CDH6: variants seen among roughly 807,000 people sequenced by gnomAD.
The protein encoded by CDH6 is cadherin-6.
Under a neutral mutation model 78.0 loss-of-function variants are expected in CDH6, and 31 were observed. The ratio of observed to expected loss-of-function variants is 0.40; its 90% CI spans 0.30 to 0.54. CDH6 has a LOEUF of 0.54. Ranked by LOEUF, CDH6 falls within the 20% of genes least tolerant of loss-of-function variation. The probability of loss-of-function intolerance (pLI) is 0.56; values close to 1 mark genes in which losing one functional copy is unlikely to be tolerated. For missense variants in CDH6, 724 were observed against 975.9 expected, an observed-to-expected ratio of 0.74 and a Z score of 3.44; for synonymous variants, 376 against 368.8, an observed-to-expected ratio of 1.02 and a Z score of -0.23.
intron 2 of CDH6, among the ~76,000 whole-genome samples, chr5:31,290,662 CT>C (rs978769408): frequency 2.0e-5 from 3 of 152,058 alleles, no homozygotes; most frequent in Admixed American, 6.6e-5. Context: ...CTTATGTTTC[CT>C]TTTTTTCCCA....
At chr5:31,298,668 G>A (rs1737673095) in intron 4 of CDH6, among the ~76,000 whole-genome samples, 1 of 152,184 alleles carries the variant, frequency 6.6e-6, no homozygotes, top group Non-Finnish European at 1.5e-5. Context: ...TTGAAAGAAA[G>A]TTAATTTAAG....
intron 1 of CDH6, among the ~76,000 whole-genome samples, chr5:31,196,148 C>A (rs571711723): frequency 2.6e-5 from 4 of 152,256 alleles, no homozygotes; most frequent in African/African-American, 7.2e-5. Context: ...TGTACCCTAC[C>A]TCTTCCACCC....
chr5:31,275,915 C>T (rs1450503491), intron 2 of CDH6, among the ~76,000 whole-genome samples: 2 of 152,232 alleles, frequency 1.3e-5, no homozygotes, highest in East Asian at 1.9e-4. Context: ...TATGTTCCAC[C>T]CACATTTACC....
intron 1 of CDH6, among the ~76,000 whole-genome samples, chr5:31,260,990 G>A (rs1269537548): frequency 6.6e-6 from 1 of 152,138 alleles, no homozygotes; most frequent in Non-Finnish European, 1.5e-5. Flanking sequence ...CACAGCAGGT[G>A]GCCACCTATT....
At chr5:31,308,474 G>A (rs2962787) in intron 7 of CDH6, among the ~76,000 whole-genome samples, 70,216 of 150,098 alleles carry the variant, frequency 0.47, 17,493 homozygotes, top group Non-Finnish European at 0.54. Flanking sequence ...GATCTGCTAT[G>A]ATCATGATGG....
chr5:31,304,186 A>C (rs113603268), intron 6 of CDH6, among the ~76,000 whole-genome samples: 4,668 of 151,686 alleles, frequency 0.031, 97 homozygotes, highest in African/African-American at 0.04. Flanking sequence ...ACAACAACAA[A>C]AAAAAAAAAC....
chr5:31,312,738 G>A (rs568639851), intron 7 of CDH6, among the ~76,000 whole-genome samples: 1 of 151,856 alleles, frequency 6.6e-6, no homozygotes, highest in African/African-American at 2.4e-5. Flanking sequence ...GGGTAGATTC[G>A]CATTGCATCT....
intron 1 of CDH6, among the ~76,000 whole-genome samples, chr5:31,199,655 ATGTG>A (rs1309990298): frequency 9.8e-6 from 1 of 102,538 alleles, no homozygotes; most frequent in Admixed American, 1.1e-4. Flanking sequence ...GTGTGTGTGT[ATGTG>A]TGTGTGTGTA....
intron 1 of CDH6, among the ~76,000 whole-genome samples, chr5:31,256,886 A>G (rs1396669276): frequency 6.6e-6 from 1 of 152,178 alleles, no homozygotes; most frequent in African/African-American, 2.4e-5. Flanking sequence ...CTAATTGTAT[A>G]CATGAGAAAC....
At position 31,326,246 on chromosome 5, in the gene CDH6, T is replaced by C; in HGVS notation, c.*2938T>C. 2 of 221,570 alleles carry C rather than the reference T, an allele frequency of 9.0e-6. No homozygotes were observed. The highest frequency in any genetic ancestry group is 1.8e-5 in the Non-Finnish European group (2 of 110,888). 13.7% of individuals were successfully genotyped at this position (221,570 alleles called of 1,614,324 possible). A position where few individuals can be genotyped will look rare whatever the true frequency, so the allele number is the denominator to read the frequency against. The stretch of plus-strand genomic sequence containing the variant: ...GCTTTTGTGGGTTGTTTCAAGGACA[T>C]TGAGAGCTTTCTGATGATATGTTTT... On this transcript the variant is annotated 3_prime_UTR_variant, in exon 12 of 12. Coordinates refer to ENST00000265071, the MANE Select transcript of CDH6 (RefSeq NM_004932.4).
At chr5:31,237,365 CT>C (rs1394223692) in intron 1 of CDH6, among the ~76,000 whole-genome samples, 1 of 152,078 alleles carries the variant, frequency 6.6e-6, no homozygotes, top group African/African-American at 2.4e-5. Flanking sequence ...TATCAGCACC[CT>C]AGATCATATG....
intron 1 of CDH6, among the ~76,000 whole-genome samples, chr5:31,213,406 C>G (rs1740772557): frequency 6.6e-6 from 1 of 152,242 alleles, no homozygotes; most frequent in African/African-American, 2.4e-5. Flanking sequence ...CTGTGTGGAG[C>G]TCAGCAAGAA....
intron 1 of CDH6, among the ~76,000 whole-genome samples, chr5:31,241,859 G>T (rs1265473528): frequency 6.6e-6 from 1 of 152,188 alleles, no homozygotes; most frequent in Non-Finnish European, 1.5e-5. Context: ...AAAAGGAAAT[G>T]TGTTTTCGTG....
At chr5:31,308,108 A>G (rs1414600006) in intron 7 of CDH6, among the ~76,000 whole-genome samples, 1 of 152,178 alleles carries the variant, frequency 6.6e-6, no homozygotes, top group African/African-American at 2.4e-5. Flanking sequence ...TTGATTATTC[A>G]AGACATAAAT....
chr5:31,255,929 G>T (rs1364729898), intron 1 of CDH6, among the ~76,000 whole-genome samples: 1 of 152,148 alleles, frequency 6.6e-6, no homozygotes, highest in African/African-American at 2.4e-5. Context: ...GGCATAAAGG[G>T]TTACACCTCT....
At chr5:31,262,397 T>C (rs745732546) in intron 1 of CDH6, among the ~76,000 whole-genome samples, 1 of 152,172 alleles carries the variant, frequency 6.6e-6, no homozygotes, top group Non-Finnish European at 1.5e-5. Flanking sequence ...CCAACCACTT[T>C]TGCATATCAA....
In CDH6 at chr5:31,276,787, C is replaced by T. The variant is rs568509336; in HGVS notation, c.228+9086C>T. Among the ~76,000 whole-genome samples the T allele has an allele frequency of 2.0e-5, 3 of 152,126 alleles. No homozygotes were observed. The East Asian group carries it at 5.8e-4, about 29-fold the overall frequency. ...GGCAAGTAATTTAATCTCCCTGTGCCCCCTCGATTCCTCAACTGTTAAATG... is the reference window on the plus strand; with the variant it reads ...GGCAAGTAATTTAATCTCCCTGTGCTCCCTCGATTCCTCAACTGTTAAATG... On this transcript the variant is annotated intron_variant, in intron 2 of 11. Transcript: ENST00000265071.
At chr5:31,251,181 G>A (rs1212436744) in intron 1 of CDH6, 1 of 152,266 alleles carries the variant, frequency 6.6e-6, no homozygotes, top group East Asian at 1.9e-4. Flanking sequence ...CCCAAAGGGA[G>A]CATTTTGACT....
At chr5:31,231,594 C>A (rs1741311720) in intron 1 of CDH6, among the ~76,000 whole-genome samples, 1 of 152,188 alleles carries the variant, frequency 6.6e-6, no homozygotes, top group South Asian at 2.1e-4. Flanking sequence ...TGCAGAGTCC[C>A]AAGGTGGCAC....
Sources: gnomAD v4.1 joint callset for allele counts (sites outside exome capture counted in the v4.1 genomes callset) on GRCh38, gnomAD v4.1.1 for gene constraint, MANE v1.5 for transcripts, NCBI Gene and HGNC (gene_info 2026-07-23, HGNC 2026-07-21) for gene names.